RPE65: variants seen among roughly 807,000 people sequenced by gnomAD.
RPE65 encodes the protein retinoid isomerohydrolase RPE65, also known as retinoid isomerohydrolase.
Under a neutral mutation model 68.5 loss-of-function variants are expected in RPE65, and 58 were observed. That is an observed-to-expected ratio of 0.85 (90% CI 0.69 to 1.05). The LOEUF is 1.05. Among genes scored for constraint, RPE65 ranks in the 50% least tolerant of loss-of-function variants. RPE65 has a pLI of 0.00. For missense variants in RPE65, 643 were observed against 629.9 expected, an observed-to-expected ratio of 1.02 and a Z score of -0.22; for synonymous variants, 220 against 222.2, an observed-to-expected ratio of 0.99 and a Z score of 0.09.
chr1:68,444,919 A>G, intron 3 of RPE65, 36 bp from the exon 4 acceptor site: 1 of 1,587,280 alleles, frequency 6.3e-7, no homozygotes, highest in Non-Finnish European at 8.7e-7. Flanking sequence ...GAGTATAGAC[A>G]GGAGCAATCC....
At chr1:68,434,938 T>TA (rs1645850458) in intron 10 of RPE65, among the ~76,000 whole-genome samples, 1 of 152,158 alleles carries the variant, frequency 6.6e-6, no homozygotes, top group East Asian at 1.9e-4. Context: ...TTGCCAAACT[T>TA]TTAAGAGTGT....
At chr1:68,447,012 G>T in intron 2 of RPE65, 152 bp from the exon 3 acceptor site, 1 of 1,015,876 alleles carries the variant, frequency 9.8e-7, no homozygotes, top group Non-Finnish European at 1.5e-6. Flanking sequence ...GCGCTGGACA[G>T]CACTTAGAAA....
At chr1:68,447,660 G>A (rs571490987) in intron 2 of RPE65, among the ~76,000 whole-genome samples, 10 of 152,098 alleles carry the variant, frequency 6.6e-5, no homozygotes, top group African/African-American at 2.4e-4. Context: ...AGGAGATCGA[G>A]ACCACGGCGA....
intron 5 of RPE65, among the ~76,000 whole-genome samples, chr1:68,441,404 G>A (rs113769246): frequency 7.2e-5 from 11 of 151,850 alleles, no homozygotes; most frequent in Admixed American, 3.3e-4. Context: ...TGTCAATTTC[G>A]TATGGTACTA....
rs761227832 is a variant in RPE65, at chr1:68,438,965, A to C, written c.975T>G (p.Ile325Met). The C allele has an allele frequency of 9.0e-5, 145 of 1,613,952 alleles. No individual in the cohort carries two copies. Among genetic ancestry groups the C allele is most frequent in the Non-Finnish European group, 1.2e-4 (140 of 1,179,966 alleles). The part of the protein sequence containing the change: ...INTYEDNGFL[I>M]VDLCCWKGFE... Reference sequence around the variant, plus strand: ...ACCCTTTCCAGCAGCAGAGATCCACAATCAGAAACCCATTGTCTTCATAGG... The same window carrying C: ...ACCCTTTCCAGCAGCAGAGATCCACCATCAGAAACCCATTGTCTTCATAGG... The change falls in exon 9 of 14, where the codon ATT becomes ATG. Residue 325 changes from isoleucine (I) to methionine (M), a missense_variant. Ile to Met is a conservative substitution (Grantham distance 10). Transcript: ENST00000262340.
At chr1:68,438,058 G>A in intron 10 of RPE65, 129 bp downstream of exon 10, 1 of 1,115,262 alleles carries the variant, frequency 9.0e-7, no homozygotes, top group South Asian at 1.5e-5. Context: ...AGTTTAATTA[G>A]CCTATTTTTA....
chr1:68,445,408 G>C (rs184919507), intron 3 of RPE65, among the ~76,000 whole-genome samples: 40 of 151,928 alleles, frequency 2.6e-4, no homozygotes, highest in Non-Finnish European at 5.2e-4. Flanking sequence ...TCCATCTCTT[G>C]CCTAGACAGG....
Position 68,439,236 on chromosome 1 carries a change from C to G in RPE65, c.813G>C (p.Trp271Cys), listed in dbSNP as rs1156741316. The G allele has an allele frequency of 5.6e-6, 9 of 1,613,916 alleles. No individual in the cohort carries two copies. The highest frequency in any genetic ancestry group is 7.6e-6 in the Non-Finnish European group (9 of 1,179,976). ...CAAAACAATCCATGTAGTTGGCTCCCCAAAGACTCCATGAAGAAAGGAACT... is the reference window on the plus strand; with the variant it reads ...CAAAACAATCCATGTAGTTGGCTCCGCAAAGACTCCATGAAGAAAGGAACT... ...LFKFLSSWSLWGANYMDCFES... is the reference protein window; with the variant it reads ...LFKFLSSWSLCGANYMDCFES... The change falls in exon 8 of 14, where the codon TGG becomes TGC. Residue 271 changes from tryptophan (W) to cysteine (C), a missense_variant. Coordinates refer to ENST00000262340, the MANE Select transcript of RPE65 (RefSeq NM_000329.3).
chr1:68,439,357 A>G (rs1645883627), intron 7 of RPE65, 34 bp from the exon 8 acceptor site: 1 of 1,611,382 alleles, frequency 6.2e-7, no homozygotes, highest in Non-Finnish European at 8.5e-7. Context: ...TGTGAATGAA[A>G]GGGCTGATTC....
rs559975684 is a variant in RPE65, at chr1:68,429,834, C to T, written c.1544G>A (p.Arg515Gln). The change falls in exon 14 of 14, where the codon CGG becomes CAG. Residue 515 changes from arginine (R) to glutamine (Q), a missense_variant. Coordinates refer to ENST00000262340, the MANE Select transcript of RPE65 (RefSeq NM_000329.3). ...LNAKDLSEVA[R>Q]AEVEINIPVT... is the part of the protein sequence containing the mutation. ...AGGGATGTTAATCTCCACTTCAGCCCGGGCAACTTCACTTAAGTCCTTGGC... is the reference window on the plus strand; with the variant it reads ...AGGGATGTTAATCTCCACTTCAGCCTGGGCAACTTCACTTAAGTCCTTGGC... 24 of 1,613,744 alleles carry T rather than the reference C, an allele frequency of 1.5e-5. No homozygotes were observed. Among genetic ancestry groups the T allele is most frequent in the South Asian group, 2.2e-5 (2 of 91,076 alleles).
rs1645899772 is a variant in RPE65 at position 68,441,127 on chromosome 1, T to C, written c.496-127A>G. ...AAGTGCACTTCTCTTTCTTCCCATC[T>C]CTCTGGATTCTACCCTCTTTCACCT... On this transcript the variant is annotated intron_variant, in intron 5 of 13. Transcript: ENST00000262340. 5 of 1,093,938 alleles carry C rather than the reference T, an allele frequency of 4.6e-6. No individual in the cohort carries two copies. In the African/African-American group the frequency reaches 7.8e-5, roughly 17 times the overall value. The allele number at this position is 1,093,938 out of a possible 1,614,324, so 67.8% of individuals were successfully genotyped here.
At chr1:68,440,570 T>C (rs907059556) in intron 6 of RPE65, among the ~76,000 whole-genome samples, 6 of 152,180 alleles carry the variant, frequency 3.9e-5, no homozygotes, top group African/African-American at 7.2e-5. Context: ...GAATCCTAAT[T>C]GTATATGATC....
chr1:68,438,534 G>C (rs1225639415), intron 9 of RPE65, among the ~76,000 whole-genome samples: 1 of 152,026 alleles, frequency 6.6e-6, no homozygotes, highest in Non-Finnish European at 1.5e-5. Flanking sequence ...GCAGCCTTGA[G>C]ATACTTTCTG....
intron 10 of RPE65, among the ~76,000 whole-genome samples, chr1:68,433,062 G>C (rs1333156309): frequency 1.3e-5 from 2 of 152,184 alleles, no homozygotes. Flanking sequence ...GGTGGGGGAA[G>C]ATGAGAAGTT....
intron 10 of RPE65, among the ~76,000 whole-genome samples, chr1:68,432,123 G>T (rs1478488676): frequency 2.0e-5 from 3 of 148,428 alleles, no homozygotes; most frequent in Admixed American, 6.8e-5. Context: ...ACACACACAT[G>T]ATTTTTCTGA....
At chr1:68,432,421 T>G (rs1240705661) in intron 10 of RPE65, among the ~76,000 whole-genome samples, 2 of 152,130 alleles carry the variant, frequency 1.3e-5, no homozygotes, top group Non-Finnish European at 2.9e-5. Flanking sequence ...ATGGTTCGGG[T>G]AGGTCTCTTT....
intron 10 of RPE65, among the ~76,000 whole-genome samples, chr1:68,436,172 G>A (rs3125897): frequency 0.54 from 82,456 of 151,858 alleles, 25,043 homozygotes; most frequent in East Asian, 0.88. Flanking sequence ...CATTATTAGC[G>A]AAGTAAGAGT....
At chr1:68,437,751 CAGA>C (rs1257032878) in intron 10 of RPE65, among the ~76,000 whole-genome samples, 2 of 152,098 alleles carry the variant, frequency 1.3e-5, no homozygotes, top group African/African-American at 2.4e-5. Context: ...TGATATTTTT[CAGA>C]AGATTTATAG....
rs180894466 is a variant in RPE65 at position 68,431,224 on chromosome 1, T to C, written c.1339-48A>G. On this transcript the variant is annotated intron_variant, in intron 12 of 13. Transcript: ENST00000262340. Reference sequence around the variant, plus strand: ...AATCAAGCAATCAGTCAATATGCTTTACTTGACTAGCATATACTCAAAGCA... The same window carrying C: ...AATCAAGCAATCAGTCAATATGCTTCACTTGACTAGCATATACTCAAAGCA... 2,485 of 1,596,838 alleles carry C rather than the reference T, an allele frequency of 1.6e-3. 8 individuals carry two copies. Among genetic ancestry groups the C allele is most frequent in the Middle Eastern group, 9.8e-3 (59 of 6,034 alleles).
Sources: allele counts gnomAD v4.1 joint callset (sites outside exome capture counted in the v4.1 genomes callset), GRCh38; gene constraint gnomAD v4.1.1; transcripts MANE v1.5; gene names NCBI Gene and HGNC (gene_info 2026-07-23, HGNC 2026-07-21).